RBPJ: variants seen among roughly 807,000 people sequenced by gnomAD.
RBPJ encodes recombination signal binding protein for immunoglobulin kappa J region, also known as recombining binding protein suppressor of hairless.
In RBPJ, 9 loss-of-function variants were observed where a neutral mutation model predicts 67.8. That is an observed-to-expected ratio of 0.13 (90% CI 0.08 to 0.23). RBPJ has a LOEUF of 0.23. RBPJ is among the 10% of genes least tolerant of loss of function. The pLI, the probability that RBPJ is intolerant of heterozygous loss-of-function variation, is 1.00. For missense variants in RBPJ, 305 were observed against 595.6 expected, an observed-to-expected ratio of 0.51 and a Z score of 5.08; for synonymous variants, 198 against 203.3, an observed-to-expected ratio of 0.97 and a Z score of 0.22.
At chr4:26,129,366 G>A in the RBPJ span, among the ~76,000 whole-genome samples, 1 of 152,160 alleles carries the variant, frequency 6.6e-6, no homozygotes, top group African/African-American at 2.4e-5. Flanking sequence ...GTACTTCAAA[G>A]TGACTACACA....
At chr4:26,331,194 G>A (rs761321108) in intron 1 of RBPJ, among the ~76,000 whole-genome samples, 2 of 152,098 alleles carry the variant, frequency 1.3e-5, no homozygotes, top group African/African-American at 2.4e-5. Context: ...TCAATCTCCC[G>A]AGCTCGTAAT....
the RBPJ span, among the ~76,000 whole-genome samples, chr4:26,127,995 C>T: frequency 1.3e-5 from 2 of 152,234 alleles, no homozygotes; most frequent in Non-Finnish European, 2.9e-5. Context: ...AGTTATGCCC[C>T]ACCCTGATCC....
intron 1 of RBPJ, among the ~76,000 whole-genome samples, chr4:26,188,424 T>G (rs1717355715): frequency 6.6e-6 from 1 of 152,236 alleles, no homozygotes; most frequent in Non-Finnish European, 1.5e-5. Flanking sequence ...GTTTAATGTC[T>G]CATTCTCTGA....
intron 1 of RBPJ, among the ~76,000 whole-genome samples, chr4:26,347,972 T>A (rs191096311): frequency 6.6e-6 from 1 of 151,884 alleles, no homozygotes; most frequent in Admixed American, 6.5e-5. Flanking sequence ...TTTTCTTTTT[T>A]TTTTTTAAGA....
chr4:26,330,721 G>T (rs1163583407), intron 1 of RBPJ, among the ~76,000 whole-genome samples: 1 of 152,162 alleles, frequency 6.6e-6, no homozygotes, highest in African/African-American at 2.4e-5. Context: ...TTGTTGTTAT[G>T]ACTGCGTAAA....
chr4:26,407,498 T>C (rs919902268), intron 3 of RBPJ, among the ~76,000 whole-genome samples: 9 of 152,230 alleles, frequency 5.9e-5, no homozygotes, highest in Non-Finnish European at 1.3e-4. Context: ...TTATGTTTAA[T>C]TGGGGACTTT....
At chr4:26,132,870 G>A in the RBPJ span, among the ~76,000 whole-genome samples, 3 of 152,044 alleles carry the variant, frequency 2.0e-5, no homozygotes, top group African/African-American at 7.3e-5. Context: ...CTAACAACCA[G>A]AAAGCCCGTG....
intron 3 of RBPJ, 129 bp from the exon 4 acceptor site, chr4:26,415,346 A>C (rs1734458065): frequency 1.2e-6 from 1 of 817,000 alleles, no homozygotes; most frequent in Non-Finnish European, 1.9e-6. Context: ...GCTTCACCAA[A>C]ATTTTTCATT....
chr4:26,129,433 T>C, the RBPJ span, among the ~76,000 whole-genome samples: 1 of 152,216 alleles, frequency 6.6e-6, no homozygotes, highest in Admixed American at 6.5e-5. Flanking sequence ...GAACATTAAG[T>C]AAAATTGGAG....
At chr4:26,206,668 A>G (rs1405083267) in intron 1 of RBPJ, among the ~76,000 whole-genome samples, 1 of 151,916 alleles carries the variant, frequency 6.6e-6, no homozygotes, top group African/African-American at 2.4e-5. Flanking sequence ...CATTGTTTAT[A>G]AGATATAATT....
chr4:26,233,492 G>A (rs1719355404), intron 1 of RBPJ, among the ~76,000 whole-genome samples: 1 of 152,166 alleles, frequency 6.6e-6, no homozygotes. Flanking sequence ...TTAAGATGTT[G>A]CCTTGTCTCC....
the RBPJ span, among the ~76,000 whole-genome samples, chr4:26,129,041 G>C: frequency 1.7e-4 from 26 of 152,322 alleles, no homozygotes; most frequent in Non-Finnish European, 3.2e-4. Context: ...GCAGATGAAA[G>C]TAGACTAATA....
the RBPJ span, among the ~76,000 whole-genome samples, chr4:26,126,317 G>A: frequency 6.6e-6 from 1 of 150,600 alleles, no homozygotes; most frequent in East Asian, 1.9e-4. Context: ...TTGGCTTCCC[G>A]CCCCCAACCC....
chr4:26,182,308 C>G (rs991472619), intron 1 of RBPJ, among the ~76,000 whole-genome samples: 1 of 152,050 alleles, frequency 6.6e-6, no homozygotes, highest in Non-Finnish European at 1.5e-5. Context: ...CGCCACTGCA[C>G]TCCAGCCTGG....
At chr4:26,113,081 G>A in the RBPJ span, 1 of 174,556 alleles carries the variant, frequency 5.7e-6, no homozygotes, top group Non-Finnish European at 1.2e-5. Context: ...TGAATGCAAT[G>A]AATATGGGAA....
chr4:26,340,456 C>T (rs920241249), intron 1 of RBPJ, among the ~76,000 whole-genome samples: 1 of 152,176 alleles, frequency 6.6e-6, no homozygotes, highest in East Asian at 1.9e-4. Context: ...ACTGCACGAT[C>T]TTGAGAAGGA....
chr4:26,340,146 T>C (rs890161710), intron 1 of RBPJ, among the ~76,000 whole-genome samples: 3 of 152,136 alleles, frequency 2.0e-5, no homozygotes, highest in African/African-American at 4.8e-5. Context: ...TAGAAGGTGA[T>C]GCATGCAACT....
chr4:26,190,408 GT>G, intron 1 of RBPJ, among the ~76,000 whole-genome samples: 1 of 152,158 alleles, frequency 6.6e-6, no homozygotes, highest in East Asian at 1.9e-4. Flanking sequence ...TTACATGAGG[GT>G]TTCCCAAAAT....
At chr4:26,337,345 T>A (rs1014361244) in intron 1 of RBPJ, among the ~76,000 whole-genome samples, 2 of 152,206 alleles carry the variant, frequency 1.3e-5, no homozygotes, top group African/African-American at 4.8e-5. Context: ...TCTTTTTTAA[T>A]CTTGTTCTTC....
Sources: allele counts gnomAD v4.1 joint callset (sites outside exome capture counted in the v4.1 genomes callset), GRCh38; gene constraint gnomAD v4.1.1; transcripts MANE v1.5; gene names NCBI Gene and HGNC (gene_info 2026-07-23, HGNC 2026-07-21).